SNAPC3: variants seen among roughly 807,000 people sequenced by gnomAD.
SNAPC3 encodes small nuclear RNA activating complex polypeptide 3.
In SNAPC3, 56 loss-of-function variants were observed where a neutral mutation model predicts 47.7. The ratio of observed to expected loss-of-function variants is 1.18; its 90% CI spans 0.95 to 1.47. The LOEUF is 1.47. Ranked by LOEUF, SNAPC3 falls within the 40% of genes most tolerant of loss-of-function variation. The probability of loss-of-function intolerance (pLI) is 0.00; values close to 1 mark genes in which losing one functional copy is unlikely to be tolerated. For synonymous variants in SNAPC3, 235 were observed against 189.9 expected, an observed-to-expected ratio of 1.24 and a Z score of -1.95; for missense variants, 665 against 511.3, an observed-to-expected ratio of 1.30 and a Z score of -2.90.
chr9:15,442,792 C>G (rs1329707466), intron 3 of SNAPC3, among the ~76,000 whole-genome samples: 5 of 152,222 alleles, frequency 3.3e-5, no homozygotes, highest in Non-Finnish European at 7.3e-5. Context: ...AGGCTGCAAT[C>G]TCGGCACTTT....
intron 7 of SNAPC3, 78 bp downstream of exon 7, chr9:15,453,283 T>TA: frequency 1.7e-6 from 2 of 1,189,868 alleles, no homozygotes; most frequent in Non-Finnish European, 2.3e-6. Context: ...ATAGTTTTTT[T>TA]AAAAATAAGA....
intron 7 of SNAPC3, among the ~76,000 whole-genome samples, chr9:15,454,881 C>T (rs935859205): frequency 6.6e-6 from 1 of 152,164 alleles, no homozygotes; most frequent in South Asian, 2.1e-4. Context: ...ATGCAGTGAG[C>T]TGAGATCGTG....
chr9:15,449,673 C>G (rs1366609541), intron 5 of SNAPC3, among the ~76,000 whole-genome samples: 1 of 147,926 alleles, frequency 6.8e-6, no homozygotes, highest in African/African-American at 2.5e-5. Context: ...CGGGTTCACA[C>G]GATTCTCCTG....
chr9:15,430,993 C>G (rs928980871), intron 2 of SNAPC3, among the ~76,000 whole-genome samples: 2 of 152,188 alleles, frequency 1.3e-5, no homozygotes, highest in Non-Finnish European at 2.9e-5. Context: ...CTTTTGCCAA[C>G]TAGCACATCC....
chr9:15,434,605 C>T (rs1257589397), intron 3 of SNAPC3, among the ~76,000 whole-genome samples: 3 of 152,012 alleles, frequency 2.0e-5, no homozygotes, highest in Non-Finnish European at 2.9e-5. Context: ...ACGGTTTCAT[C>T]ATGTTGGCCA....
At chr9:15,463,072 TTAA>T (rs1354595871), downstream of SNAPC3, 4 of 152,106 alleles carry the variant, frequency 2.6e-5, no homozygotes, top group African/African-American at 9.7e-5. Context: ...GGATATAATA[TTAA>T]TTATAAAGTG....
intron 2 of SNAPC3, 104 bp from the exon 3 acceptor site, chr9:15,433,448 A>C: frequency 1.3e-6 from 1 of 761,318 alleles, no homozygotes; most frequent in Non-Finnish European, 2.3e-6. Flanking sequence ...TTTGCTACTT[A>C]AAATTAGTTC....
downstream of SNAPC3, chr9:15,462,886 C>A (rs897995550): frequency 3.3e-5 from 5 of 152,060 alleles, no homozygotes; most frequent in African/African-American, 1.2e-4. Flanking sequence ...TCTGGCCAAT[C>A]GGACAAAATA....
chr9:15,423,884 G>A, intron 1 of SNAPC3, 25 bp from the exon 2 acceptor site: 5 of 1,447,782 alleles, frequency 3.5e-6, no homozygotes, highest in Non-Finnish European at 4.7e-6. Flanking sequence ...CGACCTTAAA[G>A]TATTGCTTTT....
At chr9:15,423,702 A>G (rs931263943) in intron 1 of SNAPC3, among the ~76,000 whole-genome samples, 1 of 152,232 alleles carries the variant, frequency 6.6e-6, no homozygotes, top group Non-Finnish European at 1.5e-5. Flanking sequence ...CTCTTTCTCC[A>G]TTTAACAGTA....
chr9:15,428,581 G>A (rs1226618416), intron 2 of SNAPC3, among the ~76,000 whole-genome samples: 1 of 151,686 alleles, frequency 6.6e-6, no homozygotes, highest in African/African-American at 2.4e-5. Flanking sequence ...ATAAGCATTT[G>A]AGGGTATAAA....
chr9:15,434,503 G>A (rs953456446), intron 3 of SNAPC3, among the ~76,000 whole-genome samples: 2 of 151,578 alleles, frequency 1.3e-5, no homozygotes, highest in African/African-American at 4.9e-5. Context: ...CGCCTCCTGG[G>A]TTCAAGCGAT....
chr9:15,457,598 T>G (rs145862358), intron 7 of SNAPC3, among the ~76,000 whole-genome samples: 2 of 151,994 alleles, frequency 1.3e-5, no homozygotes, highest in Non-Finnish European at 2.9e-5. Context: ...CCATTTCAAA[T>G]AAATAAAAAT....
rs1283304242 is a variant in SNAPC3, at chr9:15,460,928, TAGC to T, written c.*1065_*1067del. On this transcript the variant is annotated 3_prime_UTR_variant, in exon 9 of 9. Transcript: ENST00000380821. ...TTTAATACTATGATTTAAAAAACAATAGCAGATTTCGTATGACTGTGGGGACAT... is the reference window on the plus strand; with the variant it reads ...TTTAATACTATGATTTAAAAAACAATAGATTTCGTATGACTGTGGGGACAT... 1 of 152,180 alleles carries T rather than the reference TAGC, an allele frequency of 6.6e-6. No individual in the cohort carries two copies. Among genetic ancestry groups the T allele is most frequent in the African/African-American group, 2.4e-5 (1 of 41,448 alleles). 9.4% of individuals were successfully genotyped at this position (152,180 alleles called of 1,614,324 possible).
downstream of SNAPC3, chr9:15,462,605 T>C (rs774554767): frequency 5.9e-5 from 9 of 152,234 alleles, no homozygotes; most frequent in Non-Finnish European, 1.3e-4. Flanking sequence ...TGCTTGGTAG[T>C]TGAATTTGAC....
At chr9:15,465,756 CTGT>C (rs1419628890), downstream of SNAPC3, 1 of 538,386 alleles carries the variant, frequency 1.9e-6, no homozygotes, top group Non-Finnish European at 3.2e-6. Context: ...TTCTTCAAAA[CTGT>C]TATTTTACCA....
At chr9:15,462,100 C>G (rs2035263046), downstream of SNAPC3, 1 of 152,134 alleles carries the variant, frequency 6.6e-6, no homozygotes, top group Non-Finnish European at 1.5e-5. Flanking sequence ...ATTTCATACT[C>G]TCAAAACACC....
chr9:15,443,107 C>T (rs1170837123), intron 3 of SNAPC3, among the ~76,000 whole-genome samples: 17 of 152,084 alleles, frequency 1.1e-4, no homozygotes, highest in Admixed American at 7.2e-4. Context: ...TTGCAGTGAG[C>T]CGAGATGGCG....
chr9:15,437,340 C>A (rs1378746065), intron 3 of SNAPC3, among the ~76,000 whole-genome samples: 2 of 151,902 alleles, frequency 1.3e-5, no homozygotes, highest in Non-Finnish European at 2.9e-5. Context: ...TCAAGTGATT[C>A]TCATGCCTCA....
Sources: gnomAD v4.1 joint callset for allele counts (sites outside exome capture counted in the v4.1 genomes callset) on GRCh38, gnomAD v4.1.1 for gene constraint, MANE v1.5 for transcripts, NCBI Gene and HGNC (gene_info 2026-07-23, HGNC 2026-07-21) for gene names.